The following NTRK3 variants were observed in gnomAD, a reference collection of about 807,000 sequenced individuals.
The protein encoded by NTRK3 is NT-3 growth factor receptor.
NTRK3 carries 24 observed loss-of-function variants against 91.7 expected under a neutral mutation model. The ratio of observed to expected loss-of-function variants is 0.26; its 90% confidence interval spans 0.19 to 0.37. The LOEUF (loss-of-function observed/expected upper bound fraction) is 0.37. Ranked by LOEUF, NTRK3 falls within the 10% of genes least tolerant of loss-of-function variation. The pLI is 1.00. For synonymous variants in NTRK3, 483 were observed against 404.0 expected (o/e 1.20, Z -2.34); for missense variants, 880 against 1,068.9 (o/e 0.82, Z 2.46).
intron 13 of NTRK3, among the ~76,000 whole-genome samples, chr15:88,049,477 G>A (rs2080588887): frequency 1.3e-5 from 2 of 152,176 alleles, no homozygotes; most frequent in Non-Finnish European, 2.9e-5. Context: ...TGGTGTGTGT[G>A]TTTATGGGGT....
intron 14 of NTRK3, among the ~76,000 whole-genome samples, chr15:88,022,643 A>C (rs1454942682): frequency 6.6e-6 from 1 of 152,064 alleles, no homozygotes; most frequent in Non-Finnish European, 1.5e-5. Context: ...CCCACTCCAT[A>C]TTCTGCCCAC....
At chr15:88,037,341 C>A (rs577507193) in intron 13 of NTRK3, among the ~76,000 whole-genome samples, 1 of 152,280 alleles carries the variant, frequency 6.6e-6, no homozygotes, top group East Asian at 1.9e-4. Context: ...GTGAGCAGAT[C>A]ATGTGAGGTC....
intron 14 of NTRK3, among the ~76,000 whole-genome samples, chr15:87,989,067 A>T (rs1300760771): frequency 6.6e-6 from 1 of 152,174 alleles, no homozygotes; most frequent in Non-Finnish European, 1.5e-5. Flanking sequence ...ACTATAAACT[A>T]GTTCAACCAT....
intron 15 of NTRK3, among the ~76,000 whole-genome samples, chr15:87,936,935 G>A (rs891234870): frequency 6.6e-6 from 1 of 152,060 alleles, no homozygotes; most frequent in African/African-American, 2.4e-5. Context: ...ACTCTATAAG[G>A]TCTGGTCTCC....
Position 88,227,764 on chromosome 15 carries a change from C to G in NTRK3, c.248+28142G>C, listed in dbSNP as rs190868328. 3.7e-3 allele frequency among the ~76,000 whole-genome samples: 565 copies of G among 152,224 alleles called. 3 individuals are homozygous for G. Among genetic ancestry groups the G allele is most frequent in the African/African-American group, 0.013 (530 of 41,518 alleles). On this transcript the variant is annotated intron_variant, in intron 3 of 18. Transcript: ENST00000394480. Reference sequence around the variant, plus strand: ...ACTCACTGCCCGTTCCTCCCTCCCCCTTTACCCACCTCAGTTCTGGGCCAC... The same window carrying G: ...ACTCACTGCCCGTTCCTCCCTCCCCGTTTACCCACCTCAGTTCTGGGCCAC...
rs1260168851 is a variant in NTRK3 at position 88,209,734 on chromosome 15, G to A, written c.249-25435C>T. On this transcript the variant is annotated intron_variant, in intron 3 of 18. Coordinates refer to ENST00000394480, the Ensembl canonical transcript of NTRK3. Reference sequence around the variant, plus strand: ...CTAAAGATGCAAAGACCACTACCCAGAGAGTGAGGCAGGGAGCTTGCCCTC... The same window carrying A: ...CTAAAGATGCAAAGACCACTACCCAAAGAGTGAGGCAGGGAGCTTGCCCTC... Among the ~76,000 whole-genome samples the A allele has an allele frequency of 3.3e-5, 5 of 152,370 alleles. No individual in the cohort carries two copies. The South Asian group carries it at 1.0e-3, about 32-fold the overall frequency.
chr15:87,984,921 C>A (rs966630278), intron 14 of NTRK3, among the ~76,000 whole-genome samples: 4 of 152,098 alleles, frequency 2.6e-5, no homozygotes, highest in African/African-American at 2.4e-5. Flanking sequence ...TTTACAGTAC[C>A]TACATGGCTT....
intron 17 of NTRK3, among the ~76,000 whole-genome samples, chr15:87,886,676 C>A (rs1484183971): frequency 3.0e-4 from 30 of 101,202 alleles, no homozygotes; most frequent in East Asian, 5.5e-4. Flanking sequence ...CCACTTTTTG[C>A]TATATATATA....
At chr15:88,128,875 C>G (rs1421244337) in intron 10 of NTRK3, 141 bp from the exon 11 acceptor site, 3 of 768,338 alleles carry the variant, frequency 3.9e-6, no homozygotes, top group South Asian at 1.5e-5. Flanking sequence ...AAATGCATGG[C>G]ACATCACCCG....
At chr15:88,115,253 C>T (rs532171690) in intron 13 of NTRK3, among the ~76,000 whole-genome samples, 1 of 152,354 alleles carries the variant, frequency 6.6e-6, no homozygotes, top group East Asian at 1.9e-4. Context: ...ACACACAGCT[C>T]CCTCAGGTTG....
intron 3 of NTRK3, among the ~76,000 whole-genome samples, chr15:88,208,217 T>A (rs1449204219): frequency 6.6e-6 from 1 of 151,966 alleles, no homozygotes; most frequent in African/African-American, 2.4e-5. Context: ...AAGGCTTCCA[T>A]CTCTCAAAGT....
chr15:88,128,880 C>A (rs766212321), intron 10 of NTRK3, 146 bp from the exon 11 acceptor site: 4 of 749,742 alleles, frequency 5.3e-6, no homozygotes, highest in Non-Finnish European at 7.3e-6. Flanking sequence ...CATGGCACAT[C>A]ACCCGTCTCC....
chr15:88,089,140 A>AC (rs1675897120), intron 13 of NTRK3, among the ~76,000 whole-genome samples: 1 of 136,826 alleles, frequency 7.3e-6, no homozygotes, highest in Admixed American at 8.0e-5. Context: ...GTGTGGTATG[A>AC]CGGGGGCGGT....
At chr15:88,038,567 A>G (rs1047522846) in intron 13 of NTRK3, among the ~76,000 whole-genome samples, 9 of 152,182 alleles carry the variant, frequency 5.9e-5, no homozygotes, top group Non-Finnish European at 1.3e-4. Context: ...TCTCAGCTTC[A>G]TCAGCCATAA....
intron 14 of NTRK3, among the ~76,000 whole-genome samples, chr15:87,999,636 G>T (rs1162409174): frequency 6.6e-6 from 1 of 152,166 alleles, no homozygotes; most frequent in Admixed American, 6.6e-5. Flanking sequence ...ACAAAAAGCT[G>T]CTGTGGATAG....
chr15:87,996,544 C>T (rs983468202), intron 14 of NTRK3, among the ~76,000 whole-genome samples: 6 of 152,200 alleles, frequency 3.9e-5, no homozygotes, highest in African/African-American at 1.4e-4. Context: ...GTGATTATGA[C>T]AAGACCATTA....
At chr15:87,986,418 A>C (rs2074793674) in intron 14 of NTRK3, among the ~76,000 whole-genome samples, 1 of 152,236 alleles carries the variant, frequency 6.6e-6, no homozygotes, top group Non-Finnish European at 1.5e-5. Flanking sequence ...GTTCACATAT[A>C]ACCCTGTTTC....
intron 5 of NTRK3, among the ~76,000 whole-genome samples, chr15:88,155,994 G>A (rs2043862016): frequency 1.3e-5 from 2 of 152,234 alleles, no homozygotes; most frequent in South Asian, 2.1e-4. Flanking sequence ...TAGAAGACAC[G>A]GCTCTGGACC....
intron 17 of NTRK3, among the ~76,000 whole-genome samples, chr15:87,896,487 A>G (rs2066133717): frequency 6.7e-6 from 1 of 149,880 alleles, no homozygotes; most frequent in Non-Finnish European, 1.5e-5. Flanking sequence ...AAAAAAAAAA[A>G]GAAAGAAAGG....
Sources: allele counts gnomAD v4.1 joint callset (sites outside exome capture counted in the v4.1 genomes callset), GRCh38; gene constraint gnomAD v4.1.1; transcripts MANE v1.5; gene names NCBI Gene and HGNC (gene_info 2026-07-23, HGNC 2026-07-21).